The following ZC3H12C variants were observed in gnomAD, a reference collection of about 807,000 sequenced individuals.
ZC3H12C encodes the protein probable ribonuclease ZC3H12C.
In ZC3H12C, 20 loss-of-function variants were observed where a neutral mutation model predicts 76.3. That is an observed-to-expected ratio of 0.26 (90% confidence interval 0.18 to 0.38). The LOEUF (loss-of-function observed/expected upper bound fraction) is 0.38. Ranked by LOEUF, ZC3H12C falls within the 10% of genes least tolerant of loss-of-function variation. The pLI is 1.00. For synonymous variants in ZC3H12C, 352 were observed against 399.6 expected, an observed-to-expected ratio of 0.88 and a Z score of 1.42; for missense variants, 874 against 1,086.5, an observed-to-expected ratio of 0.80 and a Z score of 2.75.
At chr11:110,099,312 T>C (rs953983762) in intron 1 of ZC3H12C, among the ~76,000 whole-genome samples, 6 of 152,238 alleles carry the variant, frequency 3.9e-5, no homozygotes, top group African/African-American at 1.2e-4. Context: ...AAAAGTTATA[T>C]TGATATGTAT....
At chr11:110,146,749 A>T (rs1463962209) in intron 2 of ZC3H12C, among the ~76,000 whole-genome samples, 1 of 151,036 alleles carries the variant, frequency 6.6e-6, no homozygotes, top group African/African-American at 2.4e-5. Flanking sequence ...ATCTTTCTAC[A>T]TTTTTTTTTC....
rs540897216 is a variant in ZC3H12C at position 110,096,777 on chromosome 11, C to T, written c.21+3345C>T. Among the ~76,000 whole-genome samples the T allele has an allele frequency of 2.5e-4, 38 of 152,310 alleles. No homozygotes were observed. In the South Asian group the frequency reaches 4.8e-3, roughly 19 times the overall value. ...GAAGCCTTTCCTCTGCATAGTACGACAGTAGTAGGACAATACAGAAATCCT... is the reference window on the plus strand; with the variant it reads ...GAAGCCTTTCCTCTGCATAGTACGATAGTAGTAGGACAATACAGAAATCCT... On this transcript the variant is annotated intron_variant, in intron 1 of 5. Transcript: ENST00000278590.
intron 1 of ZC3H12C, among the ~76,000 whole-genome samples, chr11:110,094,167 A>G (rs1223924699): frequency 6.6e-6 from 1 of 151,934 alleles, no homozygotes; most frequent in African/African-American, 2.4e-5. Flanking sequence ...AGTACTGATT[A>G]CTCTGTCTGG....
In ZC3H12C at chr11:110,164,704, A is replaced by G. The variant is rs558671932; in HGVS notation, c.1619A>G (p.Asn540Ser). Reference protein sequence around the residue: ...AKPQSTTSLSNGLPSGVHFPP... With the variant: ...AKPQSTTSLSSGLPSGVHFPP... ...CCCCAAAGCACTACATCTTTAAGCA[A>G]TGGCCTTCCATCTGGAGTTCATTTC... The change falls in exon 6 of 6, where the codon AAT becomes AGT. Residue 540 changes from asparagine to serine, a missense_variant. Coordinates refer to ENST00000278590, the MANE Select transcript of ZC3H12C (RefSeq NM_033390.2). The surrounding 1 kb of genome is among the most constrained non-coding windows in gnomAD (Gnocchi z 5.7). The G allele has an allele frequency of 9.7e-5, 156 of 1,613,920 alleles. 1 individual carries two copies. The Middle Eastern group carries it at 3.0e-3, about 31-fold the overall frequency.
At chr11:110,148,969 T>C (rs888111843) in intron 2 of ZC3H12C, among the ~76,000 whole-genome samples, 3 of 152,202 alleles carry the variant, frequency 2.0e-5, no homozygotes, top group South Asian at 2.1e-4. Context: ...TCCCTTATAT[T>C]GTATCTAGCA....
At chr11:110,108,018 G>C (rs1861362363) in intron 1 of ZC3H12C, among the ~76,000 whole-genome samples, 1 of 151,946 alleles carries the variant, frequency 6.6e-6, no homozygotes, top group African/African-American at 2.4e-5. Context: ...CACAATAATG[G>C]CTCACTGCAG....
chr11:110,162,957 T>G (rs1862507557), intron 4 of ZC3H12C, among the ~76,000 whole-genome samples: 1 of 152,162 alleles, frequency 6.6e-6, no homozygotes, highest in African/African-American at 2.4e-5. Flanking sequence ...TCTCCTAAAG[T>G]GTCACTGAAA....
chr11:110,105,640 ATTCT>A (rs1861308726), intron 1 of ZC3H12C, among the ~76,000 whole-genome samples: 1 of 152,188 alleles, frequency 6.6e-6, no homozygotes, highest in African/African-American at 2.4e-5. Flanking sequence ...AAAATTTATA[ATTCT>A]TTTTTTCATC....
At chr11:110,108,631 A>G (rs954540913) in intron 1 of ZC3H12C, among the ~76,000 whole-genome samples, 8 of 152,186 alleles carry the variant, frequency 5.3e-5, no homozygotes, top group East Asian at 3.8e-4. Context: ...CTCTTCCAAA[A>G]TAGTCCATCC....
At chr11:110,097,507 G>A (rs1003746205) in intron 1 of ZC3H12C, among the ~76,000 whole-genome samples, 7 of 152,132 alleles carry the variant, frequency 4.6e-5, no homozygotes, top group East Asian at 1.9e-4. Context: ...GTTTGAGAAC[G>A]CTATGAAACA....
rs770171952 is a variant in ZC3H12C at position 110,136,682 on chromosome 11, T to C, written c.41T>C (p.Ile14Thr). The change falls in exon 2 of 6, where the codon ATT becomes ACT. Residue 14 changes from isoleucine to threonine, a missense_variant. Around this residue, in one of 3 missense-constraint regions of ZC3H12C, gnomAD observed 210 missense variants for 227.1 expected, o/e 0.92. Coordinates refer to ENST00000278590, the MANE Select transcript of ZC3H12C (RefSeq NM_033390.2). The stretch of plus-strand genomic sequence containing the variant: ...CTCTAGGAATACGGGGTGCTTTGCA[T>C]TCAGGAATACAGAAAAAACAGCAAA... ...GGSQEYGVLC[I>T]QEYRKNSKVE... 6.8e-6 allele frequency: 11 copies of C among 1,613,426 alleles called. No homozygotes were observed. The highest frequency in any genetic ancestry group is 8.5e-6 in the Non-Finnish European group (10 of 1,179,668).
Position 110,166,523 on chromosome 11 carries a change from G to A in ZC3H12C, c.*786G>A, listed in dbSNP as rs530327295. The A allele has an allele frequency of 7.2e-5, 11 of 152,266 alleles. No homozygotes were observed. The South Asian group carries it at 1.9e-3, about 26-fold the overall frequency. 9.4% of individuals were successfully genotyped at this position (152,266 alleles called of 1,614,324 possible). A position where few individuals can be genotyped will look rare whatever the true frequency, so the allele number is the denominator to read the frequency against. On this transcript the variant is annotated 3_prime_UTR_variant, in exon 6 of 6. Transcript: ENST00000278590. ...AATGAATAAGGCAAAAGCTGTAACT[G>A]TTACAGGTTAGAGCTTTGTTATCCA...
In ZC3H12C at chr11:110,153,016, G is replaced by A; in HGVS notation, c.871G>A (p.Ala291Thr). The A allele has an allele frequency of 6.2e-7, 1 of 1,611,840 alleles. No homozygotes were observed. The highest frequency in any genetic ancestry group is 8.5e-7 in the Non-Finnish European group (1 of 1,178,938). The change falls in exon 3 of 6, where the codon GCT becomes ACT. Residue 291 changes from alanine (A) to threonine (T), a missense_variant. Coordinates refer to ENST00000278590, the MANE Select transcript of ZC3H12C (RefSeq NM_033390.2). ...GHKDITVFVP[A>T]WRKEQSRPDA... ...CAAAGACATTACAGTTTTTGTTCCT[G>A]CTTGGAGGAAAGAGCAATCCCGACC...
chr11:110,107,406 A>G (rs954382488), intron 1 of ZC3H12C, among the ~76,000 whole-genome samples: 6 of 152,148 alleles, frequency 3.9e-5, no homozygotes, highest in African/African-American at 1.2e-4. Flanking sequence ...TTTCTGAGAC[A>G]GGATCTCACT....
intron 1 of ZC3H12C, among the ~76,000 whole-genome samples, chr11:110,104,526 TAAA>T (rs1861283583): frequency 6.6e-6 from 1 of 152,132 alleles, no homozygotes. Context: ...TATATTAAAT[TAAA>T]AAATGTTCAG....
chr11:110,126,795 T>TTTC (rs1861756474), intron 1 of ZC3H12C, among the ~76,000 whole-genome samples: 1 of 152,192 alleles, frequency 6.6e-6, no homozygotes, highest in Non-Finnish European at 1.5e-5. Flanking sequence ...TATTAGTTAT[T>TTTC]TTCTACCCAA....
At chr11:110,093,680 C>T (rs567368410) in intron 1 of ZC3H12C, among the ~76,000 whole-genome samples, 6 of 152,184 alleles carry the variant, frequency 3.9e-5, no homozygotes, top group Admixed American at 6.5e-5. Context: ...CAACGCCGTC[C>T]CCGCCGGGAT....
intron 4 of ZC3H12C, among the ~76,000 whole-genome samples, chr11:110,162,091 G>A (rs1186332108): frequency 6.6e-6 from 1 of 152,176 alleles, no homozygotes; most frequent in Non-Finnish European, 1.5e-5. Context: ...AGCTGAGATG[G>A]TACCACTTCA....
At chr11:110,158,855 G>A (rs1018334525) in intron 3 of ZC3H12C, among the ~76,000 whole-genome samples, 5 of 152,154 alleles carry the variant, frequency 3.3e-5, no homozygotes, top group African/African-American at 7.2e-5. Context: ...GGAAAAAAAT[G>A]TATTGCTCAC....
Sources: allele counts gnomAD v4.1 joint callset (sites outside exome capture counted in the v4.1 genomes callset), GRCh38; gene constraint gnomAD v4.1.1; regional missense constraint gnomAD v4.1.1; non-coding constraint Gnocchi (gnomAD v3.1); transcripts MANE v1.5; gene names NCBI Gene and HGNC (gene_info 2026-07-23, HGNC 2026-07-21).